The following WDR17 variants were observed in gnomAD, a reference collection of about 807,000 sequenced individuals.
WDR17 encodes WD repeat domain 17, also known as WD repeat-containing protein 17.
A neutral mutation model predicts 161.7 loss-of-function variants in WDR17; 143 were observed. The observed-to-expected ratio is 0.88, with a 90% CI of 0.77 to 1.02. The LOEUF is 1.02. WDR17 is among the 50% of genes least tolerant of loss of function. The probability of loss-of-function intolerance (pLI) is 0.00; values close to 1 mark genes in which losing one functional copy is unlikely to be tolerated. For missense variants in WDR17, 1,469 were observed against 1,520.9 expected (o/e 0.97, Z 0.57); for synonymous variants, 517 against 515.6 (o/e 1.00, Z -0.04).
chr4:176,172,563 G>T, intron 24 of WDR17, 47 bp downstream of exon 24: 2 of 1,471,072 alleles, frequency 1.4e-6, no homozygotes, highest in South Asian at 2.6e-5. Context: ...TCATTTATTT[G>T]ATCGTTGTTT....
chr4:176,140,023 C>A, intron 10 of WDR17, 49 bp downstream of exon 10: 1 of 1,448,660 alleles, frequency 6.9e-7, no homozygotes, highest in Non-Finnish European at 9.5e-7. Flanking sequence ...GTTTATAAAG[C>A]ACTCATTTGA....
At chr4:176,160,822 T>A in intron 19 of WDR17, 89 bp from the exon 20 acceptor site, 1 of 1,044,370 alleles carries the variant, frequency 9.6e-7, no homozygotes, top group Non-Finnish European at 1.4e-6. Flanking sequence ...AAACATTATT[T>A]AAGTATACTT....
chr4:176,075,576 A>T (rs11735075), intron 1 of WDR17, among the ~76,000 whole-genome samples: 78,819 of 152,004 alleles, frequency 0.52, 21,987 homozygotes, highest in South Asian at 0.63. Flanking sequence ...ATTCATTTTT[A>T]AAAAGACTGT....
intron 2 of WDR17, among the ~76,000 whole-genome samples, chr4:176,115,484 A>G (rs925658777): frequency 3.3e-5 from 5 of 152,130 alleles, no homozygotes; most frequent in Admixed American, 3.3e-4. Flanking sequence ...TTCTTCTCAT[A>G]AAAAGATATA....
intron 1 of WDR17, among the ~76,000 whole-genome samples, chr4:176,072,070 G>T (rs1733314736): frequency 6.6e-6 from 1 of 152,164 alleles, no homozygotes; most frequent in Non-Finnish European, 1.5e-5. Flanking sequence ...GGATTTTAAT[G>T]TAGGCTAGTA....
At chr4:176,145,863 T>C in intron 11 of WDR17, 132 bp from the exon 12 acceptor site, 1 of 694,390 alleles carries the variant, frequency 1.4e-6, no homozygotes, top group Non-Finnish European at 2.2e-6. Flanking sequence ...TTTTTACATA[T>C]GTAAGTTTTT....
chr4:176,094,684 A>T (rs1391677755), intron 1 of WDR17, among the ~76,000 whole-genome samples: 1 of 152,204 alleles, frequency 6.6e-6, no homozygotes, highest in Non-Finnish European at 1.5e-5. Context: ...AAGTAGTGGC[A>T]TTAGTAATGA....
At chr4:176,085,940 A>G (rs1458214259) in intron 1 of WDR17, among the ~76,000 whole-genome samples, 1 of 151,966 alleles carries the variant, frequency 6.6e-6, no homozygotes, top group Non-Finnish European at 1.5e-5. Context: ...AATTGATGCT[A>G]TAATCCTCCC....
In WDR17 at chr4:176,172,469, G is replaced by A; in HGVS notation, c.3197G>A (p.Ser1066Asn). 6.2e-7 allele frequency: 1 copy of A among 1,609,252 alleles called. No individual in the cohort carries two copies. Among genetic ancestry groups the A allele is most frequent in the Non-Finnish European group, 8.5e-7 (1 of 1,178,958 alleles). ...GAAACTGTAAAATATTACTTGTTAA[G>A]TCAAGAACCTGAAAAAGCCCTTCCT... is the stretch of plus-strand genomic sequence containing the variant. ...IFETVKYYLL[S>N]QEPEKALPIG... is the part of the protein sequence containing the mutation. Residue 1066 changes from serine (S) to asparagine (N), a missense_variant, in exon 24 of 29, where the codon AGT becomes AAT. Physicochemically the swap from Ser to Asn is conservative, Grantham distance 46. Transcript: ENST00000508596.
Position 176,156,095 on chromosome 4 carries a change from C to G in WDR17, c.2477C>G (p.Ser826Ter). Reference protein sequence around the residue: ...VELGEWDKALSIAPGVSVKYW... With the variant: ...VELGEWDKAL The stretch of plus-strand genomic sequence containing the variant: ...CTATTGTAGTGGGACAAAGCCCTGT[C>G]AATTGCACCAGGAGTCTCTGTGAAA... The change falls in exon 18 of 29, where the codon TCA becomes TGA. Residue 826 changes from serine (S) to a stop codon, truncating the protein, a stop_gained. Coordinates refer to ENST00000508596, the MANE Select transcript of WDR17 (RefSeq NM_181265.4). LOFTEE classifies it high-confidence loss of function. The G allele has an allele frequency of 1.2e-6, 2 of 1,613,598 alleles. No individual in the cohort carries two copies. Among genetic ancestry groups the G allele is most frequent in the Non-Finnish European group, 1.7e-6 (2 of 1,179,772 alleles).
chr4:176,073,733 T>C (rs896039696), intron 1 of WDR17, among the ~76,000 whole-genome samples: 2 of 150,350 alleles, frequency 1.3e-5, no homozygotes, highest in Non-Finnish European at 3.0e-5. Flanking sequence ...AGTGTAAAAG[T>C]GTTCCTATTT....
At chr4:176,107,727 A>G (rs1308210134) in intron 1 of WDR17, among the ~76,000 whole-genome samples, 1 of 151,914 alleles carries the variant, frequency 6.6e-6, no homozygotes, top group Non-Finnish European at 1.5e-5. Context: ...AGTTTTAGGA[A>G]TTCTCCCTAT....
chr4:176,141,672 A>G (rs1745282169), intron 10 of WDR17, among the ~76,000 whole-genome samples: 1 of 152,244 alleles, frequency 6.6e-6, no homozygotes, highest in Non-Finnish European at 1.5e-5. Context: ...ACCTCAAGTG[A>G]TCCACCCGCC....
intron 22 of WDR17, among the ~76,000 whole-genome samples, chr4:176,167,957 G>A (rs1406433307): frequency 6.6e-6 from 1 of 151,672 alleles, no homozygotes; most frequent in Non-Finnish European, 1.5e-5. Flanking sequence ...GATCAGCCTG[G>A]CCAACATGGT....
In WDR17 at chr4:176,119,876, C is replaced by G; in HGVS notation, c.317C>G (p.Ala106Gly). 6.2e-7 allele frequency: 1 copy of G among 1,613,936 alleles called. No homozygotes were observed. The highest frequency in any genetic ancestry group is 8.5e-7 in the Non-Finnish European group (1 of 1,179,846). Reference protein sequence around the residue: ...AKLDSTKGIPASLSWCWNAED... With the variant: ...AKLDSTKGIPGSLSWCWNAED... ...ATTTAATGTATTCCAGGGATCCCTG[C>G]TTCTCTTAGTTGGTGCTGGAATGCA... The change falls in exon 4 of 29, where the codon GCT becomes GGT. Residue 106 changes from alanine (A) to glycine (G), a missense_variant. Coordinates refer to ENST00000508596, the MANE Select transcript of WDR17 (RefSeq NM_181265.4).
intron 1 of WDR17, among the ~76,000 whole-genome samples, chr4:176,074,629 T>C (rs1289583368): frequency 4.0e-5 from 6 of 151,702 alleles, no homozygotes; most frequent in Admixed American, 2.6e-4. Context: ...CTAATTTTTG[T>C]ATTTTTGTAG....
intron 1 of WDR17, among the ~76,000 whole-genome samples, chr4:176,107,231 A>G (rs189258916): frequency 9.9e-5 from 15 of 151,900 alleles, no homozygotes; most frequent in Non-Finnish European, 8.8e-5. Context: ...AATCAAAAGA[A>G]CAATAAGACA....
intron 1 of WDR17, among the ~76,000 whole-genome samples, chr4:176,076,248 T>C (rs1444536074): frequency 3.5e-4 from 26 of 74,590 alleles, no homozygotes; most frequent in African/African-American, 9.4e-4. Flanking sequence ...TATATATATA[T>C]ATATATACAC....
At chr4:176,172,351 G>A in intron 23 of WDR17, 24 bp from the exon 24 acceptor site, 2 of 1,594,598 alleles carry the variant, frequency 1.3e-6, no homozygotes, top group Non-Finnish European at 1.7e-6. Flanking sequence ...TAGTAACATT[G>A]TTTTCAAATC....
Sources: gnomAD v4.1 joint callset for allele counts (sites outside exome capture counted in the v4.1 genomes callset) on GRCh38, gnomAD v4.1.1 for gene constraint, MANE v1.5 for transcripts, NCBI Gene and HGNC (gene_info 2026-07-23, HGNC 2026-07-21) for gene names.